WBP11: variants seen among roughly 807,000 people sequenced by gnomAD.
The protein encoded by WBP11 is WW domain binding protein 11, also known as WW domain-binding protein 11.
In WBP11, 12 loss-of-function variants were observed where a neutral mutation model predicts 66.7. The observed-to-expected ratio is 0.18, with a 90% CI of 0.12 to 0.29. WBP11 has a LOEUF of 0.29. WBP11 is among the 10% of genes least tolerant of loss of function. The probability of loss-of-function intolerance (pLI) is 1.00; values close to 1 mark genes in which losing one functional copy is unlikely to be tolerated. For missense variants in WBP11, 555 were observed against 818.3 expected, an observed-to-expected ratio of 0.68 and a Z score of 3.93; for synonymous variants, 255 against 273.8, an observed-to-expected ratio of 0.93 and a Z score of 0.68.
At chr12:14,789,742 T>A (rs1179201807) in intron 10 of WBP11, among the ~76,000 whole-genome samples, 1 of 152,206 alleles carries the variant, frequency 6.6e-6, no homozygotes. Context: ...GGTTCCAGTA[T>A]AAGCTGAAAA....
chr12:14,794,951 T>C lies in WBP11; in HGVS notation c.521+20A>G, dbSNP rs1949873600. 1 of 1,611,996 alleles carries C rather than the reference T, an allele frequency of 6.2e-7. No individual in the cohort carries two copies. The highest frequency in any genetic ancestry group is 1.3e-5 in the African/African-American group (1 of 74,854). ...TGTGCCTTTACTAAATGCTCTCTGA[T>C]TGTGACACTGCTTCCTTACCCATAG... On this transcript the variant is annotated intron_variant, in intron 6 of 11. Transcript: ENST00000261167.
At chr12:14,799,508 A>G (rs1949933532) in intron 4 of WBP11, 127 bp downstream of exon 4, 2 of 882,192 alleles carry the variant, frequency 2.3e-6, no homozygotes, top group Non-Finnish European at 3.3e-6. Flanking sequence ...CCTGAAACTA[A>G]CATTAAATCC....
At chr12:14,799,843 CA>C in intron 3 of WBP11, 115 bp from the exon 4 acceptor site, 1 of 883,398 alleles carries the variant, frequency 1.1e-6, no homozygotes, top group South Asian at 1.9e-5. Flanking sequence ...TTGTTTCAAC[CA>C]CCAGAAACAG....
rs1275513805 is a variant in WBP11, at chr12:14,791,203, C to T, written c.981G>A (p.Leu327=). 1.2e-6 allele frequency: 2 copies of T among 1,614,092 alleles called. No individual in the cohort carries two copies. The highest frequency in any genetic ancestry group is 2.2e-5 in the South Asian group (2 of 91,056). ...SRKKKKNMKE[L]TPLQAMMLRM... is the part of the protein sequence containing the mutation. ...GAAGCATCATGGCTTGAAGAGGAGT[C>T]AGTTCCTTCATGTTCTTCTTTTTCT... The change falls in exon 9 of 12, where the codon CTG becomes CTA. Residue 327 remains leucine (L), a synonymous_variant. Coordinates refer to ENST00000261167, the MANE Select transcript of WBP11 (RefSeq NM_016312.3).
In WBP11 at chr12:14,791,283, A is replaced by C; in HGVS notation, c.914-13T>G. 1 of 1,612,414 alleles carries C rather than the reference A, an allele frequency of 6.2e-7. No homozygotes were observed. ...CGTACACTCAGACCTAAGGGGACAA[A>C]GGAGGGAGTGGAGTAGATTGGCATC... is the stretch of plus-strand genomic sequence containing the variant. On this transcript the variant is annotated splice_polypyrimidine_tract_variant and intron_variant, in intron 8 of 11. Transcript: ENST00000261167.
intron 8 of WBP11, among the ~76,000 whole-genome samples, chr12:14,792,313 TA>T (rs1038194938): frequency 6.6e-6 from 1 of 152,140 alleles, no homozygotes; most frequent in Non-Finnish European, 1.5e-5. Context: ...AAAAAGAACT[TA>T]ACTGACAAAG....
intron 3 of WBP11, among the ~76,000 whole-genome samples, chr12:14,800,209 C>T (rs1004198742): frequency 1.3e-5 from 2 of 152,010 alleles, no homozygotes; most frequent in Non-Finnish European, 2.9e-5. Context: ...ATGTATTATA[C>T]TATAATACTA....
At position 14,801,143 on chromosome 12, in the gene WBP11, G is replaced by A. The variant is rs1225708682; in HGVS notation, c.64+177C>T. On this transcript the variant is annotated intron_variant, in intron 2 of 11. Coordinates refer to ENST00000261167, the MANE Select transcript of WBP11 (RefSeq NM_016312.3). Reference sequence around the variant, plus strand: ...CAATCAAATTTGAAAAATAAAATACGGGTACTAATTTCTTTGCATATTTAA... The same window carrying A: ...CAATCAAATTTGAAAAATAAAATACAGGTACTAATTTCTTTGCATATTTAA... 1.8e-5 allele frequency: 9 copies of A among 499,618 alleles called. No homozygotes were observed. The East Asian group carries it at 2.5e-4, about 14-fold the overall frequency. The allele number at this position is 499,618 out of a possible 1,614,324, so 30.9% of individuals were successfully genotyped here. A position where few individuals can be genotyped will look rare whatever the true frequency, so the allele number is the denominator to read the frequency against.
rs1488996146 is a variant in WBP11, at chr12:14,791,083, CT to C, written c.1015+85del. ...GGACTTATTACTTACTTGAAGGTTGCTGAGATACTAAATGGAAAAACGTATG... is the reference window on the plus strand; with the variant it reads ...GGACTTATTACTTACTTGAAGGTTGCGAGATACTAAATGGAAAAACGTATG... On this transcript the variant is annotated intron_variant, in intron 9 of 11. Coordinates refer to ENST00000261167, the MANE Select transcript of WBP11 (RefSeq NM_016312.3). The C allele has an allele frequency of 2.3e-6, 3 of 1,317,610 alleles. No homozygotes were observed. The African/African-American group carries it at 4.4e-5, about 19-fold the overall frequency. 81.6% of individuals were successfully genotyped at this position (1,317,610 alleles called of 1,614,324 possible).
chr12:14,797,100 A>G lies in WBP11; in HGVS notation c.191-97T>C, dbSNP rs574291907. The G allele has an allele frequency of 6.0e-5, 58 of 964,186 alleles. No homozygotes were observed. In the African/African-American group the frequency reaches 8.5e-4, roughly 14 times the overall value. 59.7% of individuals were successfully genotyped at this position (964,186 alleles called of 1,614,324 possible). A position where few individuals can be genotyped will look rare whatever the true frequency, so the allele number is the denominator to read the frequency against. On this transcript the variant is annotated intron_variant, in intron 4 of 11. Coordinates refer to ENST00000261167, the MANE Select transcript of WBP11 (RefSeq NM_016312.3). ...TAAAAACCTCCATATATGCTAAAAA[A>G]TTTTTAAGAGATCTAGACACCAGAC...
At chr12:14,794,478 T>TA in intron 7 of WBP11, 59 bp downstream of exon 7, 1 of 1,593,738 alleles carries the variant, frequency 6.3e-7, no homozygotes. Flanking sequence ...AACAATATGT[T>TA]AAACAGGGCC....
At chr12:14,793,467 T>C (rs1949847206) in intron 8 of WBP11, among the ~76,000 whole-genome samples, 1 of 152,202 alleles carries the variant, frequency 6.6e-6, no homozygotes, top group South Asian at 2.1e-4. Flanking sequence ...GTTTATGCTG[T>C]TGAATAGTTA....
intron 2 of WBP11, 105 bp downstream of exon 2, chr12:14,801,215 C>A: frequency 9.0e-7 from 1 of 1,109,762 alleles, no homozygotes; most frequent in Non-Finnish European, 1.4e-6. Context: ...TTTATTCCTC[C>A]TATCACTGCT....
intron 8 of WBP11, among the ~76,000 whole-genome samples, chr12:14,792,114 T>G (rs1456182099): frequency 6.6e-6 from 1 of 151,812 alleles, no homozygotes; most frequent in Admixed American, 6.6e-5. Context: ...AAACACAACC[T>G]GTTCTCCAAA....
rs2137234955 is a variant in WBP11, at chr12:14,794,022, A to T, written c.722-100T>A. ...AATTATGCTATTCAACTCAGACTGT[A>T]ACAACTTAATTCTTACCAAAAAAAA... On this transcript the variant is annotated intron_variant, in intron 7 of 11. Coordinates refer to ENST00000261167, the MANE Select transcript of WBP11 (RefSeq NM_016312.3). 4 of 819,318 alleles carry T rather than the reference A, an allele frequency of 4.9e-6. No homozygotes were observed. The East Asian group carries it at 1.2e-4, about 25-fold the overall frequency. 50.8% of individuals were successfully genotyped at this position (819,318 alleles called of 1,614,324 possible). A position where few individuals can be genotyped will look rare whatever the true frequency, so the allele number is the denominator to read the frequency against.
Position 14,796,992 on chromosome 12 carries a change from C to G in WBP11, c.202G>C (p.Val68Leu). 6.3e-7 allele frequency: 1 copy of G among 1,581,638 alleles called. No individual in the cohort carries two copies. Residue 68 changes from valine to leucine, a missense_variant, in exon 5 of 12, where the codon GTG (valine) becomes CTG (leucine). Val to Leu is a conservative substitution (Grantham distance 32). Around this residue, in one of 6 missense-constraint regions of WBP11, gnomAD observed 43 missense variants for 142.1 expected, o/e 0.30. Coordinates refer to ENST00000261167, the MANE Select transcript of WBP11 (RefSeq NM_016312.3). This position sits in a 1 kb window ranked among gnomAD's most constrained non-coding sequence, Gnocchi z 4.5. ...TTCTCATTTAATTGTGGCTGTTGCACTGGGTTAAACTCTAAGAGAAAAAGT... is the reference window on the plus strand; with the variant it reads ...TTCTCATTTAATTGTGGCTGTTGCAGTGGGTTAAACTCTAAGAGAAAAAGT... ...EKLDEMEFNP[V>L]QQPQLNEKVL...
intron 2 of WBP11, 41 bp from the exon 3 acceptor site, chr12:14,800,824 C>A (rs933905574): frequency 9.8e-6 from 15 of 1,527,102 alleles, no homozygotes; most frequent in Middle Eastern, 1.8e-4. Flanking sequence ...ATCTTTGAAT[C>A]TTGAACATTA....
intron 3 of WBP11, among the ~76,000 whole-genome samples, chr12:14,800,251 T>G (rs962805227): frequency 1.3e-5 from 2 of 152,102 alleles, no homozygotes; most frequent in Non-Finnish European, 2.9e-5. Flanking sequence ...AAATCCTTTC[T>G]AATTCTTTTG....
At chr12:14,800,872 T>A in intron 2 of WBP11, 89 bp from the exon 3 acceptor site, 1 of 1,227,166 alleles carries the variant, frequency 8.1e-7, no homozygotes, top group Non-Finnish European at 1.2e-6. Flanking sequence ...TTCTTTATTG[T>A]GGAAAGTTAC....
Sources: gnomAD v4.1 joint callset for allele counts (sites outside exome capture counted in the v4.1 genomes callset) on GRCh38, gnomAD v4.1.1 for gene constraint, gnomAD v4.1.1 regional missense constraint, Gnocchi (gnomAD v3.1) non-coding constraint, MANE v1.5 for transcripts, NCBI Gene and HGNC (gene_info 2026-07-23, HGNC 2026-07-21) for gene names.